Variants in IGFBPL1 observed in about 807,000 individuals in gnomAD.
The protein encoded by IGFBPL1 is insulin like growth factor binding protein like 1, also known as insulin-like growth factor-binding protein-like 1.
IGFBPL1 carries 20 observed loss-of-function variants against 23.9 expected under a neutral mutation model. The ratio of observed to expected loss-of-function variants is 0.84; its 90% CI spans 0.59 to 1.22. The LOEUF (loss-of-function observed/expected upper bound fraction) is 1.22, where lower values mean the gene tolerates loss of function less well. Ranked by LOEUF, IGFBPL1 falls within the 50% of genes most tolerant of loss-of-function variation. The pLI, the probability that IGFBPL1 is intolerant of heterozygous loss-of-function variation, is 0.00. For missense variants in IGFBPL1, 436 were observed against 379.3 expected (o/e 1.15, Z -1.24); for synonymous variants, 184 against 171.8 (o/e 1.07, Z -0.56).
At chr9:38,420,628 C>T (rs7041154) in intron 1 of IGFBPL1, among the ~76,000 whole-genome samples, 34,395 of 151,948 alleles carry the variant, frequency 0.23, 4,403 homozygotes, top group African/African-American at 0.34. Flanking sequence ...GGTAGGAGAT[C>T]AAGACCATCC....
rs1330759695 is a variant in IGFBPL1 at position 38,424,307 on chromosome 9, G to T, written c.118C>A (p.Pro40Thr). Residue 40 changes from proline (P) to threonine (T), a missense_variant, in exon 1 of 5, where the codon CCG becomes ACG. Pro to Thr is a conservative substitution (Grantham distance 38, BLOSUM62 -1). Coordinates refer to ENST00000377694, the MANE Select transcript of IGFBPL1 (RefSeq NM_001007563.3). ...GCCGGGCAGCCCTCTGGCCGGCACG[G>T]ACCACACTTGGGGCGCCGGCCGCCC... ...DVGGRRPKCG[P>T]CRPEGCPAPA... is the part of the protein sequence containing the mutation. 1.6e-6 allele frequency: 2 copies of T among 1,261,740 alleles called. No homozygotes were observed. The highest frequency in any genetic ancestry group is 1.0e-6 in the Non-Finnish European group (1 of 958,066). The allele number at this position is 1,261,740 out of a possible 1,614,324, so 78.2% of individuals were successfully genotyped here.
intron 2 of IGFBPL1, 61 bp downstream of exon 2, chr9:38,414,033 T>TCACACACA (rs3045140): frequency 0.062 from 46,324 of 751,902 alleles, 747 homozygotes; most frequent in African/African-American, 0.11. Flanking sequence ...TCCCTCTTTC[T>TCACACACA]CACACACACA....
At chr9:38,411,667 G>T in intron 3 of IGFBPL1, 118 bp from the exon 4 acceptor site, 4 of 912,758 alleles carry the variant, frequency 4.4e-6, no homozygotes, top group Non-Finnish European at 6.5e-6. Context: ...GGTAAAACTT[G>T]CTCTATTTCT....
intron 1 of IGFBPL1, among the ~76,000 whole-genome samples, chr9:38,417,582 AT>A (rs1821618326): frequency 6.6e-6 from 1 of 152,112 alleles, no homozygotes; most frequent in South Asian, 2.1e-4. Context: ...TGGTTCAATG[AT>A]TTCCTAGGAG....
At chr9:38,417,222 T>C (rs888038473) in intron 1 of IGFBPL1, among the ~76,000 whole-genome samples, 1 of 152,104 alleles carries the variant, frequency 6.6e-6, no homozygotes, top group Admixed American at 6.6e-5. Context: ...AAGGGTGTAG[T>C]GAGGAGGCTG....
chr9:38,417,488 C>T (rs1821616578), intron 1 of IGFBPL1, among the ~76,000 whole-genome samples: 2 of 152,190 alleles, frequency 1.3e-5, no homozygotes, highest in African/African-American at 4.8e-5. Flanking sequence ...TAAAGTGGAA[C>T]ATTTGTTATC....
chr9:38,418,815 A>G (rs1266971070), intron 1 of IGFBPL1, among the ~76,000 whole-genome samples: 4 of 152,100 alleles, frequency 2.6e-5, no homozygotes, highest in Non-Finnish European at 5.9e-5. Flanking sequence ...AGCAGGTAAG[A>G]CAGTCACCCA....
intron 1 of IGFBPL1, among the ~76,000 whole-genome samples, chr9:38,422,225 G>C (rs747906001): frequency 1.9e-4 from 29 of 152,200 alleles, no homozygotes; most frequent in Non-Finnish European, 1.2e-4. Flanking sequence ...CCCTGGACAA[G>C]GGCTCTGACC....
chr9:38,414,023 T>G (rs1292129697), intron 2 of IGFBPL1, 71 bp downstream of exon 2: 27 of 870,464 alleles, frequency 3.1e-5, no homozygotes, highest in Non-Finnish European at 2.5e-5. Flanking sequence ...CGTCTGTTTC[T>G]CCCTCTTTCT....
rs1261636444 is a variant in IGFBPL1, at chr9:38,424,174, C to T, written c.251G>A (p.Arg84His). The T allele has an allele frequency of 4.3e-6, 5 of 1,165,094 alleles. No individual in the cohort carries two copies. Among genetic ancestry groups the T allele is most frequent in the Non-Finnish European group, 5.3e-6 (5 of 946,646 alleles). 72.2% of individuals were successfully genotyped at this position (1,165,094 alleles called of 1,614,324 possible). Residue 84 changes from arginine to histidine, a missense_variant, in exon 1 of 5, where the codon CGC (arginine) becomes CAC (histidine). Physicochemically the swap from Arg to His is conservative, Grantham distance 29. Coordinates refer to ENST00000377694, the MANE Select transcript of IGFBPL1 (RefSeq NM_001007563.3). ...GASCGGRAGGRCGPGLVCASQ... is the reference protein window; with the variant it reads ...GASCGGRAGGHCGPGLVCASQ... ...CGCGCATACCAGGCCGGGGCCACAGCGCCCGCCGGCGCGGCCCCCGCAGCT... is the reference window on the plus strand; with the variant it reads ...CGCGCATACCAGGCCGGGGCCACAGTGCCCGCCGGCGCGGCCCCCGCAGCT...
Position 38,413,226 on chromosome 9 carries a change from T to A in IGFBPL1, c.687+11A>T, listed in dbSNP as rs369211018. The A allele has an allele frequency of 6.5e-6, 10 of 1,534,282 alleles. No individual in the cohort carries two copies. The African/African-American group carries it at 1.1e-4, about 17-fold the overall frequency. ...GTCAGTCAATAATATCCAATAATCC[T>A]AAACACTCACCAAAATCCAGGCCGT... On this transcript the variant is annotated intron_variant, in intron 3 of 4. Coordinates refer to ENST00000377694, the MANE Select transcript of IGFBPL1 (RefSeq NM_001007563.3).
At chr9:38,423,845 A>C in intron 1 of IGFBPL1, 120 bp downstream of exon 1, 1 of 968,696 alleles carries the variant, frequency 1.0e-6, no homozygotes, top group East Asian at 3.4e-5. Context: ...ACTGCTCCCT[A>C]AGGGGAAACT....
At chr9:38,417,862 C>T (rs184575532) in intron 1 of IGFBPL1, among the ~76,000 whole-genome samples, 1 of 152,276 alleles carries the variant, frequency 6.6e-6, no homozygotes, top group East Asian at 1.9e-4. Context: ...CCAAATTCCA[C>T]ACTCCGAGAA....
intron 4 of IGFBPL1, among the ~76,000 whole-genome samples, chr9:38,409,983 C>T (rs1289304013): frequency 1.3e-5 from 2 of 152,162 alleles, no homozygotes; most frequent in Non-Finnish European, 2.9e-5. Context: ...TTTCTGTGAT[C>T]CCCTACAGAC....
chr9:38,416,081 T>C (rs1239054777), intron 1 of IGFBPL1, among the ~76,000 whole-genome samples: 1 of 152,130 alleles, frequency 6.6e-6, no homozygotes, highest in East Asian at 1.9e-4. Flanking sequence ...AAAGACAGTC[T>C]AATTTATTCA....
Position 38,424,398 on chromosome 9 carries a change from C to T in IGFBPL1, c.27G>A (p.Pro9=). 1 of 634,810 alleles carries T rather than the reference C, an allele frequency of 1.6e-6. No individual in the cohort carries two copies. Among genetic ancestry groups the T allele is most frequent in the Non-Finnish European group, 2.7e-6 (1 of 364,936 alleles). The allele number at this position is 634,810 out of a possible 1,614,324, so 39.3% of individuals were successfully genotyped here. Residue 9 remains proline (P), a synonymous_variant, in exon 1 of 5, where the codon CCG becomes CCA. Coordinates refer to ENST00000377694, the MANE Select transcript of IGFBPL1 (RefSeq NM_001007563.3). The part of the protein sequence containing the change: MPRLSLLL[P]LLLLLLLPLL... ...GCGGCAGCAGCAGCAGAAGCAGCAG[C>T]GGCAAGAGCAGAGACAAGCGCGGCA...
rs1821437032 is a variant in IGFBPL1, at chr9:38,406,831, C to T, written c.*2396G>A. ...ACAGAATGATGATGCTAAAGCCAGC[C>T]CCATACAGTCCTGATGCTCAGTACT... is the stretch of plus-strand genomic sequence containing the variant. On this transcript the variant is annotated 3_prime_UTR_variant, in exon 5 of 5. Transcript: ENST00000377694. 6.6e-6 allele frequency among the ~76,000 whole-genome samples: 1 copy of T among 152,192 alleles called. No individual in the cohort carries two copies.
chr9:38,407,252 G>C lies in IGFBPL1; in HGVS notation c.*1975C>G, dbSNP rs1460750863. On this transcript the variant is annotated 3_prime_UTR_variant, in exon 5 of 5. Coordinates refer to ENST00000377694, the MANE Select transcript of IGFBPL1 (RefSeq NM_001007563.3). ...TCAATTCTCATCTTTTGTTTTCAAA[G>C]AGAGCTTCCAGTGTTTTAAAGTTTG... is the stretch of plus-strand genomic sequence containing the variant. 1.3e-5 allele frequency among the ~76,000 whole-genome samples: 2 copies of C among 152,214 alleles called. No individual in the cohort carries two copies. The highest frequency in any genetic ancestry group is 2.4e-5 in the African/African-American group (1 of 41,468).
At chr9:38,420,568 G>T (rs568974298) in intron 1 of IGFBPL1, among the ~76,000 whole-genome samples, 9 of 152,206 alleles carry the variant, frequency 5.9e-5, no homozygotes, top group Non-Finnish European at 1.2e-4. Flanking sequence ...GCATGGTGGC[G>T]CACGCCTGTA....
Sources: allele counts gnomAD v4.1 joint callset (sites outside exome capture counted in the v4.1 genomes callset), GRCh38; gene constraint gnomAD v4.1.1; transcripts MANE v1.5; gene names NCBI Gene and HGNC (gene_info 2026-07-23, HGNC 2026-07-21).